Variants in SLC25A26 observed in about 807,000 individuals in gnomAD.
SLC25A26 encodes mitochondrial S-adenosylmethionine carrier protein.
A neutral mutation model predicts 37.8 loss-of-function variants in SLC25A26; 36 were observed. The ratio of observed to expected loss-of-function variants is 0.95; its 90% CI spans 0.73 to 1.26. SLC25A26 has a LOEUF of 1.26. Ranked by LOEUF, SLC25A26 falls within the 50% of genes most tolerant of loss-of-function variation. SLC25A26 has a pLI of 0.00. For missense variants in SLC25A26, 390 were observed against 331.1 expected, an observed-to-expected ratio of 1.18 and a Z score of -1.38; for synonymous variants, 129 against 122.5, an observed-to-expected ratio of 1.05 and a Z score of -0.35.
At chr3:66,377,654 T>C in intron 9 of SLC25A26, 36 bp from the exon 10 acceptor site, 11 of 1,530,534 alleles carry the variant, frequency 7.2e-6, no homozygotes, top group Non-Finnish European at 1.0e-5. Flanking sequence ...TTTTTTAAAA[T>C]ACGCACAACA....
At chr3:66,233,664 G>A (rs949829620) in intron 1 of SLC25A26, among the ~76,000 whole-genome samples, 1 of 151,942 alleles carries the variant, frequency 6.6e-6, no homozygotes, top group Non-Finnish European at 1.5e-5. Flanking sequence ...AAATATATAG[G>A]TATTCTTATT....
rs1370991993 is a variant in SLC25A26, at chr3:66,273,297, G to C, written c.453+9918G>C. Among the ~76,000 whole-genome samples the C allele has an allele frequency of 4.6e-5, 7 of 152,240 alleles. No individual in the cohort carries two copies. The East Asian group carries it at 1.3e-3, about 29-fold the overall frequency. On this transcript the variant is annotated intron_variant, in intron 5 of 9. Coordinates refer to ENST00000354883, the MANE Select transcript of SLC25A26 (RefSeq NM_001379210.1). The stretch of plus-strand genomic sequence containing the variant: ...TGCCTGGCTTTGGTATCAGGATGAT[G>C]CTGGCCTCATAAAATGAGTTAGGGA...
chr3:66,176,155 A>G (rs188194167), intron 1 of SLC25A26, among the ~76,000 whole-genome samples: 55 of 152,336 alleles, frequency 3.6e-4, no homozygotes, highest in African/African-American at 1.2e-3. Context: ...TACCCTACCC[A>G]GTTGTTAGGG....
chr3:66,223,855 G>A (rs782015977), intron 1 of SLC25A26, among the ~76,000 whole-genome samples: 1 of 152,136 alleles, frequency 6.6e-6, no homozygotes, highest in Admixed American at 6.6e-5. Context: ...AGAGTACATT[G>A]ATCAGTGCAT....
intron 5 of SLC25A26, among the ~76,000 whole-genome samples, chr3:66,303,726 A>T (rs115777288): frequency 0.011 from 1,736 of 152,278 alleles, 40 homozygotes; most frequent in African/African-American, 0.04. Flanking sequence ...TATATTGATG[A>T]TCTCATGGGT....
chr3:66,320,176 C>T (rs1380372642), intron 5 of SLC25A26, among the ~76,000 whole-genome samples: 5 of 152,086 alleles, frequency 3.3e-5, no homozygotes, highest in Non-Finnish European at 7.4e-5. Context: ...TAATTACATT[C>T]AGTGTTGTGC....
At chr3:66,177,250 T>G (rs1202188823) in intron 1 of SLC25A26, among the ~76,000 whole-genome samples, 1 of 152,200 alleles carries the variant, frequency 6.6e-6, no homozygotes, top group African/African-American at 2.4e-5. Context: ...CTGCAGAATG[T>G]TGGCAATGCT....
intron 5 of SLC25A26, among the ~76,000 whole-genome samples, chr3:66,293,506 T>G (rs1395178156): frequency 7.4e-6 from 1 of 134,524 alleles, no homozygotes; most frequent in East Asian, 2.0e-4. Flanking sequence ...TGCCCATTAG[T>G]TTTTTTTTTT....
At chr3:66,258,291 C>T (rs1039231959) in intron 3 of SLC25A26, among the ~76,000 whole-genome samples, 2 of 152,102 alleles carry the variant, frequency 1.3e-5, no homozygotes, top group East Asian at 1.9e-4. Context: ...TGCTGGAGGA[C>T]GTAAGAGCTG....
intron 1 of SLC25A26, among the ~76,000 whole-genome samples, chr3:66,207,362 A>G (rs2071195236): frequency 6.6e-6 from 1 of 152,088 alleles, no homozygotes. Flanking sequence ...TTCACGGCAA[A>G]CAAGCCAGGT....
At chr3:66,339,093 T>G (rs372273863) in intron 5 of SLC25A26, among the ~76,000 whole-genome samples, 5 of 152,156 alleles carry the variant, frequency 3.3e-5, no homozygotes, top group African/African-American at 1.2e-4. Context: ...GGAGCAAAAT[T>G]GCTGGATCAT....
intron 1 of SLC25A26, among the ~76,000 whole-genome samples, chr3:66,179,087 T>C (rs1403368962): frequency 1.3e-5 from 2 of 152,318 alleles, no homozygotes; most frequent in East Asian, 3.9e-4. Context: ...TTGTTAACAT[T>C]AGCTTGTTTT....
chr3:66,307,590 C>G (rs2075262849), intron 5 of SLC25A26, among the ~76,000 whole-genome samples: 1 of 152,150 alleles, frequency 6.6e-6, no homozygotes, highest in African/African-American at 2.4e-5. Flanking sequence ...TGCCTACGTC[C>G]TGAATGGTAT....
chr3:66,206,506 T>C (rs2071179123), intron 1 of SLC25A26, among the ~76,000 whole-genome samples: 1 of 152,170 alleles, frequency 6.6e-6, no homozygotes, highest in African/African-American at 2.4e-5. Flanking sequence ...ATAATTGGCA[T>C]CCCTTGGAGC....
intron 1 of SLC25A26, among the ~76,000 whole-genome samples, chr3:66,174,506 C>T (rs981121884): frequency 6.6e-5 from 10 of 152,140 alleles, no homozygotes; most frequent in Admixed American, 6.5e-4. Flanking sequence ...TGAGGCTAGG[C>T]GTGGTGGCTC....
At chr3:66,258,288 G>A (rs1034274387) in intron 3 of SLC25A26, among the ~76,000 whole-genome samples, 2 of 152,148 alleles carry the variant, frequency 1.3e-5, no homozygotes, top group Admixed American at 6.5e-5. Flanking sequence ...TGGTGCTGGA[G>A]GACGTAAGAG....
chr3:66,356,044 A>T lies in SLC25A26; in HGVS notation c.499-6816A>T. Reference sequence around the variant, plus strand: ...ATCATCTTGTAGGGTTGGAAGCCATATAACTGCTTTTGAATAGAGCAGCTA... The same window carrying T: ...ATCATCTTGTAGGGTTGGAAGCCATTTAACTGCTTTTGAATAGAGCAGCTA... On this transcript the variant is annotated intron_variant, in intron 6 of 9. Transcript: ENST00000354883. 6.6e-6 allele frequency: 3 copies of T among 456,322 alleles called. No individual in the cohort carries two copies. In the Middle Eastern group the frequency reaches 9.8e-4, roughly 149 times the overall value. 28.3% of individuals were successfully genotyped at this position (456,322 alleles called of 1,614,324 possible).
chr3:66,362,246 A>G (rs1216386834), intron 6 of SLC25A26, among the ~76,000 whole-genome samples: 4 of 152,238 alleles, frequency 2.6e-5, no homozygotes, highest in Non-Finnish European at 5.9e-5. Flanking sequence ...ACAAATGTTC[A>G]TGGTGGCTTT....
intron 5 of SLC25A26, among the ~76,000 whole-genome samples, chr3:66,294,608 A>T (rs2074833505): frequency 6.6e-6 from 1 of 152,206 alleles, no homozygotes; most frequent in Non-Finnish European, 1.5e-5. Context: ...TCAAGGTGGA[A>T]TTTGTTTGGA....
Sources: gnomAD v4.1 joint callset for allele counts (sites outside exome capture counted in the v4.1 genomes callset) on GRCh38, gnomAD v4.1.1 for gene constraint, MANE v1.5 for transcripts, NCBI Gene and HGNC (gene_info 2026-07-23, HGNC 2026-07-21) for gene names.